ANKLE2: variants seen among roughly 807,000 people sequenced by gnomAD.
ANKLE2 encodes ankyrin repeat and LEM domain-containing protein 2.
ANKLE2 carries 55 observed loss-of-function variants against 84.2 expected under a neutral mutation model. That is an observed-to-expected ratio of 0.65 (90% CI 0.53 to 0.82). The LOEUF (loss-of-function observed/expected upper bound fraction) is 0.82. ANKLE2 is among the 40% of genes least tolerant of loss of function. The pLI, the probability that ANKLE2 is intolerant of heterozygous loss-of-function variation, is 0.00. For missense variants in ANKLE2, 1,238 were observed against 1,201.9 expected (o/e 1.03, Z -0.44); for synonymous variants, 551 against 486.1 (o/e 1.13, Z -1.76).
chr12:132,750,918 T>C (rs2044341650), intron 2 of ANKLE2, 69 bp from the exon 3 acceptor site: 14 of 1,399,384 alleles, frequency 1.0e-5, no homozygotes, highest in Admixed American at 8.8e-5. Flanking sequence ...GGCCATGCCC[T>C]GGGCCTAACC....
rs572760325 is a variant in ANKLE2, at chr12:132,741,309, C to T, written c.1420+110G>A. ...CCGAGGAGAGGCTTCCGAGGGGAGC[C>T]GGCACACGCCCGGGGAGCTCAGGAA... On this transcript the variant is annotated intron_variant, in intron 7 of 12. Coordinates refer to ENST00000357997, the MANE Select transcript of ANKLE2 (RefSeq NM_015114.3). 57 of 1,063,678 alleles carry T rather than the reference C, an allele frequency of 5.4e-5. 1 individual carries two copies. Among genetic ancestry groups the T allele is most frequent in the South Asian group, 1.5e-4 (10 of 68,278 alleles). The allele number at this position is 1,063,678 out of a possible 1,614,324, so 65.9% of individuals were successfully genotyped here. A position where few individuals can be genotyped will look rare whatever the true frequency, so the allele number is the denominator to read the frequency against.
At chr12:132,756,089 G>A (rs1176792914) in intron 1 of ANKLE2, 2 of 152,020 alleles carry the variant, frequency 1.3e-5, no homozygotes, top group Non-Finnish European at 2.9e-5. Context: ...CCAAAGTGCT[G>A]GGATTACAGG....
rs193227466 is a variant in ANKLE2, at chr12:132,748,258, C to T, written c.921G>A (p.Gln307=). The change falls in exon 4 of 13, where the codon CAG becomes CAA. Residue 307 remains glutamine, a synonymous_variant. Transcript: ENST00000357997. The stretch of plus-strand genomic sequence containing the variant: ...CTTTCCGAAGCTTGGCGGTGAGGTC[C>T]TGCGTGCGGGGATTTTTGTAACTGT... The part of the protein sequence containing the change: ...RANSYKNPRT[Q]DLTAKLRKAV... 3.7e-6 allele frequency: 6 copies of T among 1,614,064 alleles called. No homozygotes were observed. Among genetic ancestry groups the T allele is most frequent in the Non-Finnish European group, 5.1e-6 (6 of 1,180,056 alleles).
chr12:132,735,396 C>T lies in ANKLE2; in HGVS notation c.1700+10G>A, dbSNP rs1384090467. ...GTGCCCCACGCTGCTGCGGCTCAGCCTTTCAGTACCTTCCCACTCTCTCAA... is the reference window on the plus strand; with the variant it reads ...GTGCCCCACGCTGCTGCGGCTCAGCTTTTCAGTACCTTCCCACTCTCTCAA... On this transcript the variant is annotated intron_variant, in intron 9 of 12. Coordinates refer to ENST00000357997, the MANE Select transcript of ANKLE2 (RefSeq NM_015114.3). 6.2e-7 allele frequency: 1 copy of T among 1,613,116 alleles called. No homozygotes were observed. Among genetic ancestry groups the T allele is most frequent in the Non-Finnish European group, 8.5e-7 (1 of 1,179,220 alleles).
chr12:132,740,645 AG>A (rs2044100907), intron 7 of ANKLE2, among the ~76,000 whole-genome samples: 1 of 152,040 alleles, frequency 6.6e-6, no homozygotes, highest in African/African-American at 2.4e-5. Context: ...GGCAAAGAAG[AG>A]GCGCTTCTAG....
At position 132,729,884 on chromosome 12, in the gene ANKLE2, C is replaced by T. The variant is rs1269011637; in HGVS notation, c.2278G>A (p.Asp760Asn). Reference sequence around the variant, plus strand: ...TTGATTCTTGAAGTCAGGATCTGATCTTTAGTTTTTGTACTTTCATCTGGT... The same window carrying T: ...TTGATTCTTGAAGTCAGGATCTGATTTTTAGTTTTTGTACTTTCATCTGGT... ...KTPDESTKTK[D>N]QILTSRINAV... The change falls in exon 11 of 13, where the codon GAT (aspartate) becomes AAT (asparagine). Residue 760 changes from aspartate (D) to asparagine (N), a missense_variant. Asp to Asn is a conservative substitution (Grantham distance 23). Around this residue, in one of 3 missense-constraint regions of ANKLE2, gnomAD observed 802 missense variants for 774.5 expected, o/e 1.04. Coordinates refer to ENST00000357997, the MANE Select transcript of ANKLE2 (RefSeq NM_015114.3). 3.7e-6 allele frequency: 6 copies of T among 1,613,704 alleles called. No individual in the cohort carries two copies. The South Asian group carries it at 5.5e-5, about 15-fold the overall frequency.
rs1378177977 is a variant in ANKLE2 at position 132,743,153 on chromosome 12, C to G, written c.1353+1G>C. The G allele has an allele frequency of 6.2e-7, 1 of 1,602,330 alleles. No homozygotes were observed. The highest frequency in any genetic ancestry group is 8.5e-7 in the Non-Finnish European group (1 of 1,173,116). On this transcript the variant is annotated splice_donor_variant, in intron 6 of 12. Coordinates refer to ENST00000357997, the MANE Select transcript of ANKLE2 (RefSeq NM_015114.3). LOFTEE classifies it high-confidence loss of function. The surrounding 1 kb of genome is among the most constrained non-coding windows in gnomAD (Gnocchi z 4.1). Reference sequence around the variant, plus strand: ...GCAACTGCATTGTAATAAGTACTTACATCTTCAGGTGTTTTATCATATTTA... The same window carrying G: ...GCAACTGCATTGTAATAAGTACTTAGATCTTCAGGTGTTTTATCATATTTA...
rs999573643 is a variant in ANKLE2 at position 132,744,774 on chromosome 12, G to A, written c.1231-1498C>T. Among the ~76,000 whole-genome samples the A allele has an allele frequency of 1.2e-4, 18 of 152,002 alleles. 1 individual carries two copies. The highest frequency in any genetic ancestry group is 7.4e-5 in the Non-Finnish European group (5 of 68,022). Reference sequence around the variant, plus strand: ...GGGCTTACTGCAAGCTCCGCCTCCCGGGTTCACGCCATTCTCCTGCCTCAG... The same window carrying A: ...GGGCTTACTGCAAGCTCCGCCTCCCAGGTTCACGCCATTCTCCTGCCTCAG... On this transcript the variant is annotated intron_variant, in intron 5 of 12. Transcript: ENST00000357997.
chr12:132,741,716 T>C, intron 6 of ANKLE2: 2 of 648,046 alleles, frequency 3.1e-6, no homozygotes, highest in Non-Finnish European at 5.7e-6. Flanking sequence ...TACTTCTTGT[T>C]TGCGCTACTC....
intron 7 of ANKLE2, among the ~76,000 whole-genome samples, chr12:132,740,818 G>C (rs1593157254): frequency 6.6e-6 from 1 of 152,328 alleles, no homozygotes; most frequent in East Asian, 1.9e-4. Context: ...GAAAGCAAAG[G>C]CCTCTCTCCC....
Position 132,747,916 on chromosome 12 carries a change from C to T in ANKLE2, c.1146G>A (p.Leu382=), listed in dbSNP as rs1414352883. The T allele has an allele frequency of 6.2e-7, 1 of 1,607,060 alleles. No individual in the cohort carries two copies. The highest frequency in any genetic ancestry group is 8.5e-7 in the Non-Finnish European group (1 of 1,178,412). The change falls in exon 5 of 13, where the codon CTG becomes CTA. Residue 382 remains leucine (L), a synonymous_variant. Transcript: ENST00000357997. ...TGGCCTCGTCGTCATCAGGGTACAT[C>T]AGCCTCATGAAGTCAGGGTTCTCCA... ...DVLENPDFMR[L]MYPDDDEAML...
rs1445237824 is a variant in ANKLE2, at chr12:132,734,496, C to T, written c.1780G>A (p.Glu594Lys). 1.2e-6 allele frequency: 2 copies of T among 1,614,058 alleles called. No homozygotes were observed. Among genetic ancestry groups the T allele is most frequent in the South Asian group, 2.2e-5 (2 of 91,082 alleles). Residue 594 changes from glutamate (E) to lysine (K), a missense_variant, in exon 10 of 13, where the codon GAA (glutamate) becomes AAA (lysine). By Grantham distance (56) the Glu-to-Lys change is moderately conservative. Transcript: ENST00000357997. ...LGCFVDLSSQ[E>K]GLQRLEEYLT... ...TATTCTTCTAGTCTTTGCAGGCCTT[C>T]CTGGGAAGACAGATCAACAAAACAG... is the stretch of plus-strand genomic sequence containing the variant.
chr12:132,757,653 T>G (rs1049710220), intron 1 of ANKLE2: 2 of 152,174 alleles, frequency 1.3e-5, no homozygotes, highest in South Asian at 2.1e-4. Context: ...AAACCCTGTC[T>G]CTACTAAAAA....
intron 10 of ANKLE2, among the ~76,000 whole-genome samples, chr12:132,732,861 CGT>C (rs2043909300): frequency 2.2e-5 from 3 of 134,102 alleles, no homozygotes; most frequent in African/African-American, 8.4e-5. Flanking sequence ...TGATATGCAC[CGT>C]GTGAAGCGCT....
chr12:132,741,165 C>G (rs1374245971), intron 7 of ANKLE2, among the ~76,000 whole-genome samples: 1 of 152,182 alleles, frequency 6.6e-6, no homozygotes, highest in African/African-American at 2.4e-5. Context: ...CAGCGACACA[C>G]AACCTCAAAA....
chr12:132,734,695 T>A (rs1385215074), intron 9 of ANKLE2, 120 bp from the exon 10 acceptor site: 2 of 1,063,250 alleles, frequency 1.9e-6, no homozygotes, highest in East Asian at 5.0e-5. Context: ...TGGTTATAAT[T>A]TTCCTTTATC....
intron 2 of ANKLE2, among the ~76,000 whole-genome samples, chr12:132,754,142 T>G (rs916660682): frequency 3.3e-5 from 5 of 152,038 alleles, no homozygotes; most frequent in African/African-American, 1.2e-4. Context: ...CTCAGGAGGC[T>G]GAGGCAGGAG....
At chr12:132,733,180 G>A (rs550471192) in intron 10 of ANKLE2, among the ~76,000 whole-genome samples, 3 of 143,800 alleles carry the variant, frequency 2.1e-5, no homozygotes, top group Admixed American at 6.9e-5. Context: ...AGCTCTCTGC[G>A]TGCTGGTGTC....
intron 11 of ANKLE2, among the ~76,000 whole-genome samples, chr12:132,728,527 C>A (rs10437918): frequency 0.13 from 19,835 of 152,212 alleles, 1,974 homozygotes; most frequent in East Asian, 0.51. Flanking sequence ...CACACCCAGA[C>A]AAATATCACT....
Sources: allele counts gnomAD v4.1 joint callset (sites outside exome capture counted in the v4.1 genomes callset), GRCh38; gene constraint gnomAD v4.1.1; regional missense constraint gnomAD v4.1.1; non-coding constraint Gnocchi (gnomAD v3.1); transcripts MANE v1.5; gene names NCBI Gene and HGNC (gene_info 2026-07-23, HGNC 2026-07-21).